NDUFAF6: variants seen among roughly 807,000 people sequenced by gnomAD.
NDUFAF6 encodes NADH:ubiquinone oxidoreductase complex assembly factor 6, also known as NADH dehydrogenase (ubiquinone) complex I, assembly factor 6.
NDUFAF6 carries 45 observed loss-of-function variants against 40.8 expected under a neutral mutation model. The observed-to-expected ratio is 1.10, with a 90% CI of 0.87 to 1.42. The LOEUF is 1.42. Ranked by LOEUF, NDUFAF6 falls within the 40% of genes most tolerant of loss-of-function variation. NDUFAF6 has a pLI of 0.00. For missense variants in NDUFAF6, 435 were observed against 418.5 expected, an observed-to-expected ratio of 1.04 and a Z score of -0.34; for synonymous variants, 185 against 155.9, an observed-to-expected ratio of 1.19 and a Z score of -1.39.
intron 1 of NDUFAF6, among the ~76,000 whole-genome samples, chr8:94,915,132 T>A (rs1444929665): frequency 2.0e-5 from 3 of 151,662 alleles, no homozygotes; most frequent in African/African-American, 2.4e-5. Context: ...TTTTTTTTTT[T>A]AAGAGATGGG....
intron 6 of NDUFAF6, among the ~76,000 whole-genome samples, 196 bp downstream of exon 6, chr8:95,047,323 G>C (rs1421024237): frequency 2.0e-5 from 3 of 152,066 alleles, no homozygotes; most frequent in Admixed American, 2.0e-4. Context: ...TAGGTCTCTG[G>C]AGGAGCAATG....
chr8:94,922,802 C>T (rs1042648663), intron 1 of NDUFAF6, among the ~76,000 whole-genome samples: 3 of 152,080 alleles, frequency 2.0e-5, no homozygotes, highest in Non-Finnish European at 4.4e-5. Flanking sequence ...AACAGGATCC[C>T]CCAGATGATT....
At chr8:94,919,592 T>A (rs981636403) in intron 1 of NDUFAF6, among the ~76,000 whole-genome samples, 1 of 152,144 alleles carries the variant, frequency 6.6e-6, no homozygotes, top group Admixed American at 6.5e-5. Flanking sequence ...GCCCACTTGT[T>A]TTGGCTACTG....
intron 1 of NDUFAF6, among the ~76,000 whole-genome samples, chr8:94,914,484 CAT>C (rs745757224): frequency 2.0e-5 from 3 of 152,200 alleles, no homozygotes; most frequent in Non-Finnish European, 4.4e-5. Flanking sequence ...AGTTTTATCT[CAT>C]GTGGCCAACA....
At chr8:94,978,129 G>T (rs1361538217) in intron 1 of NDUFAF6, among the ~76,000 whole-genome samples, 1 of 152,120 alleles carries the variant, frequency 6.6e-6, no homozygotes, top group Non-Finnish European at 1.5e-5. Flanking sequence ...TTTGGGATGG[G>T]AACTGGTCAG....
chr8:94,922,201 G>C (rs975619165), intron 1 of NDUFAF6, among the ~76,000 whole-genome samples: 1 of 151,874 alleles, frequency 6.6e-6, no homozygotes, highest in Non-Finnish European at 1.5e-5. Context: ...AAGTAGAGAC[G>C]AGGTTTCACC....
intron 2 of NDUFAF6, among the ~76,000 whole-genome samples, chr8:94,985,873 CCTTT>C (rs1825863128): frequency 6.8e-6 from 1 of 147,998 alleles, no homozygotes; most frequent in South Asian, 2.1e-4. Flanking sequence ...TTTTTTTCTT[CCTTT>C]CTTTTTTTTT....
At chr8:95,026,109 T>G (rs1269330124) in intron 1 of NDUFAF6, among the ~76,000 whole-genome samples, 2 of 152,296 alleles carry the variant, frequency 1.3e-5, no homozygotes, top group Non-Finnish European at 2.9e-5. Flanking sequence ...TTAATTCCAT[T>G]TTAGAGAAAA....
At chr8:94,930,442 C>T (rs376470637) in intron 1 of NDUFAF6, 1 of 1,611,356 alleles carries the variant, frequency 6.2e-7, no homozygotes, top group African/African-American at 1.3e-5. Flanking sequence ...CATGTAAGCA[C>T]AAACCAAGAG....
At chr8:94,896,261 G>GCGCCC (rs1182595829) in intron 1 of NDUFAF6, among the ~76,000 whole-genome samples, 1 of 148,032 alleles carries the variant, frequency 6.8e-6, no homozygotes, top group African/African-American at 2.4e-5. Flanking sequence ...CCCGCCTGCC[G>GCGCCC]CGCCCCGCCC....
chr8:95,092,261 A>C (rs923489958), intron 2 of NDUFAF6, among the ~76,000 whole-genome samples: 24 of 150,396 alleles, frequency 1.6e-4, no homozygotes, highest in Admixed American at 8.6e-4. Context: ...GGCTCACTGC[A>C]ATCTCCGCAT....
At chr8:94,946,346 A>G (rs761099968) in intron 2 of NDUFAF6, among the ~76,000 whole-genome samples, 37 of 152,128 alleles carry the variant, frequency 2.4e-4, no homozygotes, top group Non-Finnish European at 3.8e-4. Context: ...TCTTGTTAGC[A>G]TAATTTATTT....
intron 1 of NDUFAF6, among the ~76,000 whole-genome samples, chr8:95,100,699 C>T (rs911880972): frequency 2.2e-4 from 34 of 152,162 alleles, no homozygotes; most frequent in African/African-American, 8.0e-4. Flanking sequence ...ACCCAGAAAC[C>T]TTTGCATGAA....
At chr8:95,064,243 CAAGTT>C (rs760879297) in intron 9 of NDUFAF6, among the ~76,000 whole-genome samples, 3 of 151,878 alleles carry the variant, frequency 2.0e-5, no homozygotes, top group Non-Finnish European at 4.4e-5. Context: ...AGAAATTTCT[CAAGTT>C]AATCAACATA....
intron 4 of NDUFAF6, among the ~76,000 whole-genome samples, chr8:95,043,566 GA>G (rs2131868635): frequency 1.3e-5 from 2 of 152,196 alleles, no homozygotes; most frequent in South Asian, 4.1e-4. Flanking sequence ...TAAAAATGGG[GA>G]AAGGATTTGA....
chr8:94,995,840 C>T (rs933297962), intron 2 of NDUFAF6, among the ~76,000 whole-genome samples: 2 of 152,144 alleles, frequency 1.3e-5, no homozygotes, highest in African/African-American at 4.8e-5. Flanking sequence ...TGCAGTGGTG[C>T]GATCTCAGCT....
chr8:94,951,219 C>G (rs1199430266), intron 2 of NDUFAF6: 1 of 152,228 alleles, frequency 6.6e-6, no homozygotes, highest in Non-Finnish European at 1.5e-5. Flanking sequence ...AGATGCCTGG[C>G]CAGCTCTAGC....
chr8:94,958,639 A>G (rs1237999564), intron 1 of NDUFAF6, among the ~76,000 whole-genome samples: 1 of 145,660 alleles, frequency 6.9e-6, no homozygotes, highest in Non-Finnish European at 1.5e-5. Context: ...GGTTCAAGCA[A>G]TTCTCCTGCC....
chr8:94,998,383 C>T (rs1826556710), intron 2 of NDUFAF6, among the ~76,000 whole-genome samples: 1 of 130,204 alleles, frequency 7.7e-6, no homozygotes, highest in East Asian at 2.0e-4. Flanking sequence ...ATCAAATACA[C>T]ACACACACAC....
Sources: allele counts gnomAD v4.1 joint callset (sites outside exome capture counted in the v4.1 genomes callset), GRCh38; gene constraint gnomAD v4.1.1; transcripts MANE v1.5; gene names NCBI Gene and HGNC (gene_info 2026-07-23, HGNC 2026-07-21).